The following RAD52 variants were observed in gnomAD, a reference collection of about 807,000 sequenced individuals.
The protein encoded by RAD52 is DNA repair protein RAD52 homolog.
A neutral mutation model predicts 55.5 loss-of-function variants in RAD52; 47 were observed. That is an observed-to-expected ratio of 0.85 (90% CI 0.67 to 1.08). The LOEUF (loss-of-function observed/expected upper bound fraction) is 1.08. RAD52 is among the 50% of genes least tolerant of loss of function. The pLI is 0.00. For missense variants in RAD52, 468 were observed against 522.8 expected, an observed-to-expected ratio of 0.90 and a Z score of 1.02; for synonymous variants, 184 against 198.9, an observed-to-expected ratio of 0.92 and a Z score of 0.63.
chr12:927,380 CAGGGGCACGGGCAG>C lies in RAD52; in HGVS notation c.349-131_349-118del. 5.3e-6 allele frequency: 4 copies of C among 761,538 alleles called. No homozygotes were observed. The Admixed American group carries it at 7.7e-5, about 15-fold the overall frequency. 47.2% of individuals were successfully genotyped at this position (761,538 alleles called of 1,614,324 possible). A position where few individuals can be genotyped will look rare whatever the true frequency, so the allele number is the denominator to read the frequency against. On this transcript the variant is annotated intron_variant, in intron 5 of 11. Transcript: ENST00000358495. ...ACTCTCCCACCTGGCGGCCTTGCTA[CAGGGGCACGGGCAG>C]AAGGCTGGGTGAGAATCCATCGCGA...
intron 1 of RAD52, among the ~76,000 whole-genome samples, chr12:983,440 C>T (rs1327938859): frequency 7.4e-6 from 1 of 134,318 alleles, no homozygotes; most frequent in East Asian, 2.0e-4. Flanking sequence ...TTTTTTGAGA[C>T]GGAGCATCCC....
chr12:945,089 A>G (rs1162120227), intron 1 of RAD52, among the ~76,000 whole-genome samples: 1 of 152,184 alleles, frequency 6.6e-6, no homozygotes, highest in Non-Finnish European at 1.5e-5. Context: ...GGTGGCTCAC[A>G]TCTGTAATCT....
chr12:938,616 G>A (rs1362724730), intron 1 of RAD52, among the ~76,000 whole-genome samples: 1 of 152,146 alleles, frequency 6.6e-6, no homozygotes, highest in Non-Finnish European at 1.5e-5. Context: ...CCCAGCGGGT[G>A]GAGGTTGCAT....
At chr12:952,840 C>T (rs546223292), upstream of RAD52, among the ~76,000 whole-genome samples, 5 of 133,268 alleles carry the variant, frequency 3.8e-5, no homozygotes, top group South Asian at 5.2e-4. Context: ...TGCAGTGAGC[C>T]GAGATATAGT....
intron 1 of RAD52, among the ~76,000 whole-genome samples, chr12:961,309 CAAAAA>C (rs60547688): frequency 3.8e-4 from 13 of 33,808 alleles, no homozygotes; most frequent in South Asian, 1.7e-3. Flanking sequence ...GACTCCATCT[CAAAAA>C]AAAAAAAAAA....
Position 916,996 on chromosome 12 carries a change from T to C in RAD52, c.544-176A>G, listed in dbSNP as rs900113037. Reference sequence around the variant, plus strand: ...AGCCAAACAATTTCATGTTCTGTGTTAGTGAAGTTTTGATAAAAAGGAATC... The same window carrying C: ...AGCCAAACAATTTCATGTTCTGTGTCAGTGAAGTTTTGATAAAAAGGAATC... On this transcript the variant is annotated intron_variant, in intron 7 of 11. Transcript: ENST00000358495. Among the ~76,000 whole-genome samples, 21 of 152,338 alleles carry C rather than the reference T, an allele frequency of 1.4e-4. No individual in the cohort carries two copies. In the South Asian group the frequency reaches 1.9e-3, roughly 14 times the overall value.
chr12:969,028 G>A (rs1477782926), intron 1 of RAD52, among the ~76,000 whole-genome samples: 1 of 152,080 alleles, frequency 6.6e-6, no homozygotes, highest in African/African-American at 2.4e-5. Context: ...TACTGAACAT[G>A]TATAGACTGT....
At chr12:962,815 C>A (rs1958705990) in intron 1 of RAD52, among the ~76,000 whole-genome samples, 1 of 152,156 alleles carries the variant, frequency 6.6e-6, no homozygotes, top group Non-Finnish European at 1.5e-5. Context: ...CTGGCTCTAG[C>A]CATCCTCCCA....
At chr12:953,430 G>C (rs558983128), upstream of RAD52, among the ~76,000 whole-genome samples, 1 of 152,282 alleles carries the variant, frequency 6.6e-6, no homozygotes, top group South Asian at 2.1e-4. Context: ...CCGGAAACTG[G>C]AAGAGGCAAG....
intron 7 of RAD52, among the ~76,000 whole-genome samples, chr12:919,476 TGGC>T (rs1158697290): frequency 1.3e-5 from 2 of 151,986 alleles, no homozygotes; most frequent in Non-Finnish European, 2.9e-5. Context: ...CCAGGCTCAG[TGGC>T]TCACACCTGT....
chr12:968,768 T>A (rs1340336974), intron 1 of RAD52, among the ~76,000 whole-genome samples: 1 of 152,216 alleles, frequency 6.6e-6, no homozygotes, highest in East Asian at 1.9e-4. Flanking sequence ...GAGAAGGCCC[T>A]GAACCTGCCC....
intron 1 of RAD52, chr12:989,765 G>A (rs1959157310): frequency 6.6e-6 from 1 of 152,186 alleles, no homozygotes; most frequent in South Asian, 2.1e-4. Flanking sequence ...GTGGGAGAAT[G>A]AGAACAGAAA....
At chr12:950,774 T>C (rs1038025000), upstream of RAD52, among the ~76,000 whole-genome samples, 1 of 152,052 alleles carries the variant, frequency 6.6e-6, no homozygotes, top group African/African-American at 2.4e-5. Flanking sequence ...TTTTGAAATA[T>C]ACAATAAATT....
At chr12:953,230 G>A (rs761217964), upstream of RAD52, among the ~76,000 whole-genome samples, 9 of 151,508 alleles carry the variant, frequency 5.9e-5, no homozygotes, top group African/African-American at 1.2e-4. Context: ...GTTTGAACCC[G>A]GAAGTGGAGG....
At chr12:915,200 G>C (rs562922828) in intron 9 of RAD52, among the ~76,000 whole-genome samples, 1 of 152,274 alleles carries the variant, frequency 6.6e-6, no homozygotes, top group South Asian at 2.1e-4. Flanking sequence ...AATAACAATG[G>C]CTCGGGTTGT....
intron 1 of RAD52, among the ~76,000 whole-genome samples, chr12:945,699 A>G (rs1958181496): frequency 1.3e-5 from 2 of 149,364 alleles, no homozygotes; most frequent in Admixed American, 1.3e-4. Flanking sequence ...GCCTCCCAAA[A>G]TGCTGGGATT....
chr12:987,254 C>T (rs1565718592), intron 1 of RAD52, among the ~76,000 whole-genome samples: 1 of 152,138 alleles, frequency 6.6e-6, no homozygotes, highest in Non-Finnish European at 1.5e-5. Context: ...CAGGTGTGAG[C>T]CACCGTGCCC....
chr12:980,257 A>C (rs1052238179), intron 1 of RAD52, among the ~76,000 whole-genome samples: 2 of 150,080 alleles, frequency 1.3e-5, no homozygotes, highest in African/African-American at 4.9e-5. Flanking sequence ...AATATCGGAT[A>C]TGTGATTTGC....
chr12:934,512 T>A (rs1011929692), intron 1 of RAD52, among the ~76,000 whole-genome samples: 2 of 151,966 alleles, frequency 1.3e-5, no homozygotes, highest in East Asian at 1.9e-4. Flanking sequence ...CAAATGAATT[T>A]CATGTTTAGA....
Sources: allele counts gnomAD v4.1 joint callset (sites outside exome capture counted in the v4.1 genomes callset), GRCh38; gene constraint gnomAD v4.1.1; transcripts MANE v1.5; gene names NCBI Gene and HGNC (gene_info 2026-07-23, HGNC 2026-07-21).